The following CYP4F2 variants were observed in gnomAD, a reference collection of about 807,000 sequenced individuals.
CYP4F2 encodes the protein cytochrome P450 family 4 subfamily F member 2.
A neutral mutation model predicts 58.9 loss-of-function variants in CYP4F2; 58 were observed. The ratio of observed to expected loss-of-function variants is 0.98; its 90% CI spans 0.80 to 1.23. The LOEUF (loss-of-function observed/expected upper bound fraction) is 1.23. CYP4F2 is among the 50% of genes most tolerant of loss of function. The pLI, the probability that CYP4F2 is intolerant of heterozygous loss-of-function variation, is 0.00. For synonymous variants in CYP4F2, 287 were observed against 261.1 expected (o/e 1.10, Z -0.95); for missense variants, 616 against 685.6 (o/e 0.90, Z 1.13).
At chr19:15,891,428 T>C (rs1170067747) in intron 5 of CYP4F2, among the ~76,000 whole-genome samples, 2 of 152,094 alleles carry the variant, frequency 1.3e-5, no homozygotes, top group Non-Finnish European at 2.9e-5. Flanking sequence ...GAAGAATTTA[T>C]GAAACAGTAA....
chr19:15,889,594 G>C lies in CYP4F2; in HGVS notation c.747C>G (p.Leu249=). 1.2e-6 allele frequency: 2 copies of C among 1,614,214 alleles called. No individual in the cohort carries two copies. The highest frequency in any genetic ancestry group is 1.7e-6 in the Non-Finnish European group (2 of 1,180,042). The change falls in exon 7 of 13, where the codon CTC becomes CTG. Residue 249 remains leucine (L), a synonymous_variant. Transcript: ENST00000221700. ...ILLHIDFLYY[L]TPDGQRFRRA... Reference sequence around the variant, plus strand: ...TGCGGAAACGCTGCCCATCAGGGGTGAGATAATACAGGAAGTCAATATGCA... The same window carrying C: ...TGCGGAAACGCTGCCCATCAGGGGTCAGATAATACAGGAAGTCAATATGCA...
At chr19:15,894,490 A>G (rs736089) in intron 3 of CYP4F2, among the ~76,000 whole-genome samples, 7,952 of 152,262 alleles carry the variant, frequency 0.052, 664 homozygotes, top group African/African-American at 0.18. Context: ...GAAAAGCGAC[A>G]TGGAGAAAGC....
intron 11 of CYP4F2, 69 bp downstream of exon 11, chr19:15,879,535 C>A: frequency 6.2e-7 from 1 of 1,609,826 alleles, no homozygotes; most frequent in Non-Finnish European, 8.5e-7. Flanking sequence ...TTGGATACTC[C>A]TGATCAAAAC....
chr19:15,879,753 G>A lies in CYP4F2; in HGVS notation c.1249+11C>T. Reference sequence around the variant, plus strand: ...TACCCAGGAGACTCCTCCCCGTGAGGCTGTGAGCACCTTTGGGGATGACCC... The same window carrying A: ...TACCCAGGAGACTCCTCCCCGTGAGACTGTGAGCACCTTTGGGGATGACCC... On this transcript the variant is annotated intron_variant, in intron 10 of 12. Coordinates refer to ENST00000221700, the MANE Select transcript of CYP4F2 (RefSeq NM_001082.5). 6 of 1,613,976 alleles carry A rather than the reference G, an allele frequency of 3.7e-6. No homozygotes were observed. The highest frequency in any genetic ancestry group is 5.1e-6 in the Non-Finnish European group (6 of 1,179,936).
At position 15,878,819 on chromosome 19, in the gene CYP4F2, G is replaced by T. The variant is rs765903428; in HGVS notation, c.1515C>A (p.Val505=). 1 of 1,613,950 alleles carries T rather than the reference G, an allele frequency of 6.2e-7. No homozygotes were observed. The change falls in exon 13 of 13, where the codon GTC becomes GTA. Residue 505 remains valine, a synonymous_variant. Transcript: ENST00000221700. The part of the protein sequence containing the change: ...HTEPRRKPEL[V]LRAEGGLWLR... ...GCCAAAGTCCGCCCTCTGCGCGCAG[G>T]ACCAGCTCCGGCTTCCTGCGGGGCT...
rs2089332192 is a variant in CYP4F2, at chr19:15,879,787, G to A, written c.1226C>T (p.Pro409Leu). The change falls in exon 10 of 13, where the codon CCA becomes CTA. Residue 409 changes from proline to leucine, a missense_variant. Transcript: ENST00000221700. ...ACCTTTGGGGATGACCCGGCCGTCT[G>A]GGAGCACAATGTCCTGGGTGACATG... Reference protein sequence around the residue: ...SRHVTQDIVLPDGRVIPKGII... With the variant: ...SRHVTQDIVLLDGRVIPKGII... 6.2e-7 allele frequency: 1 copy of A among 1,614,030 alleles called. No homozygotes were observed. Among genetic ancestry groups the A allele is most frequent in the African/African-American group, 1.3e-5 (1 of 74,908 alleles).
chr19:15,882,667 A>G (rs951095546), intron 9 of CYP4F2, among the ~76,000 whole-genome samples: 2 of 151,464 alleles, frequency 1.3e-5, no homozygotes, highest in African/African-American at 4.9e-5. Flanking sequence ...GTATACATAC[A>G]TCATAACATC....
At chr19:15,879,103 C>T (rs1458762157) in intron 12 of CYP4F2, among the ~76,000 whole-genome samples, 167 bp from the exon 13 acceptor site, 1 of 152,096 alleles carries the variant, frequency 6.6e-6, no homozygotes, top group African/African-American at 2.4e-5. Context: ...TCCTGCAAGC[C>T]TAGCCGAGCT....
rs909071958 is a variant in CYP4F2, at chr19:15,886,474, A to G, written c.919-166T>C. The G allele has an allele frequency of 1.6e-5, 13 of 815,972 alleles. No homozygotes were observed. The African/African-American group carries it at 2.2e-4, about 14-fold the overall frequency. The allele number at this position is 815,972 out of a possible 1,614,324, so 50.5% of individuals were successfully genotyped here. On this transcript the variant is annotated intron_variant, in intron 7 of 12. Coordinates refer to ENST00000221700, the MANE Select transcript of CYP4F2 (RefSeq NM_001082.5). Reference sequence around the variant, plus strand: ...GACCCCTCTTGGTCACCATGGCCAGAGCCCTCACCTCATGGCCTTCCTCTC... The same window carrying G: ...GACCCCTCTTGGTCACCATGGCCAGGGCCCTCACCTCATGGCCTTCCTCTC...
rs576122987 is a variant in CYP4F2 at position 15,884,630 on chromosome 19, ATTGT to A, written c.1115+1290_1115+1293del. ...GCATCTATTTATGCAGCAATAAAAA[ATTGT>A]TTGTTAAAAATGCAGAAAAATTATT... On this transcript the variant is annotated intron_variant, in intron 9 of 12. Transcript: ENST00000221700. Among the ~76,000 whole-genome samples, 63 of 152,310 alleles carry A rather than the reference ATTGT, an allele frequency of 4.1e-4. No homozygotes were observed. In the South Asian group the frequency reaches 4.8e-3, roughly 12 times the overall value.
Position 15,890,311 on chromosome 19 carries a change from C to T in CYP4F2, c.647+1G>A, listed in dbSNP as rs747508980. The T allele has an allele frequency of 4.3e-6, 7 of 1,614,082 alleles. 1 individual carries two copies. Among genetic ancestry groups the T allele is most frequent in the Middle Eastern group, 1.6e-4 (1 of 6,062 alleles). On this transcript the variant is annotated splice_donor_variant, in intron 6 of 12. Transcript: ENST00000221700. LOFTEE classifies it high-confidence loss of function. ...ATCCCAGATCCTGGGCAAGAACTTACTCCTGACAATGGCTGTCAAAGCTGA... is the reference window on the plus strand; with the variant it reads ...ATCCCAGATCCTGGGCAAGAACTTATTCCTGACAATGGCTGTCAAAGCTGA...
At position 15,886,001 on chromosome 19, in the gene CYP4F2, C is replaced by G; in HGVS notation, c.1038G>C (p.Lys346Asn). 6.2e-7 allele frequency: 1 copy of G among 1,614,132 alleles called. No homozygotes were observed. Among genetic ancestry groups the G allele is most frequent in the South Asian group, 1.1e-5 (1 of 91,082 alleles). ...GGCAGCGCTCCTGGTATTCTGGGTG[C>G]TTTGCAAGGTGGTACAGGACCCAGG... The part of the protein sequence containing the change: ...GLSWVLYHLA[K>N]HPEYQERCRQ... Residue 346 changes from lysine (K) to asparagine (N), a missense_variant, in exon 9 of 13, where the codon AAG (lysine) becomes AAC (asparagine). Physicochemically the swap from Lys to Asn is moderately conservative, Grantham distance 94. Transcript: ENST00000221700.
chr19:15,879,509 TTTGAGGGAGGTGATGTTG>T, intron 11 of CYP4F2, 77 bp downstream of exon 11: 1 of 1,607,944 alleles, frequency 6.2e-7, no homozygotes, highest in Non-Finnish European at 8.5e-7. Context: ...TGTGTGTGTC[TTTGAGGGAGGTGATGTTG>T]GATACTCCTG....
Position 15,890,353 on chromosome 19 carries a change from A to C in CYP4F2, c.606T>G (p.Ser202Arg), listed in dbSNP as rs768232683. ...FEHISLMTLD[S>R]LQKCVFSFDS... ...CAAAGCTGAAGACACATTTCTGTAGACTGTCCAAGGTCATGAGGCTGATGT... is the reference window on the plus strand; with the variant it reads ...CAAAGCTGAAGACACATTTCTGTAGCCTGTCCAAGGTCATGAGGCTGATGT... The change falls in exon 6 of 13, where the codon AGT (serine) becomes AGG (arginine). Residue 202 changes from serine to arginine, a missense_variant. By Grantham distance (110) the Ser-to-Arg change is moderately radical (BLOSUM62 -1). Transcript: ENST00000221700. The C allele has an allele frequency of 6.2e-7, 1 of 1,614,148 alleles. No individual in the cohort carries two copies. The highest frequency in any genetic ancestry group is 1.7e-5 in the Admixed American group (1 of 60,020).
chr19:15,879,868 G>C lies in CYP4F2; in HGVS notation c.1145C>G (p.Thr382Ser). Residue 382 changes from threonine to serine, a missense_variant, in exon 10 of 13, where the codon ACC becomes AGC. By Grantham distance (58) the Thr-to-Ser change is moderately conservative. Coordinates refer to ENST00000221700, the MANE Select transcript of CYP4F2 (RefSeq NM_001082.5). ...CCGCAGGCTCTCCTTCATGCACATG[G>C]TCAGGAAGGGCAAATGGGCCAGGTC... is the stretch of plus-strand genomic sequence containing the variant. ...WDDLAHLPFL[T>S]MCMKESLRLH... 6.2e-7 allele frequency: 1 copy of C among 1,614,190 alleles called. No individual in the cohort carries two copies. The highest frequency in any genetic ancestry group is 8.5e-7 in the Non-Finnish European group (1 of 1,180,034).
chr19:15,889,285 T>C (rs1210683518), intron 7 of CYP4F2, 138 bp downstream of exon 7: 15 of 1,521,412 alleles, frequency 9.9e-6, no homozygotes, highest in Non-Finnish European at 1.3e-5. Flanking sequence ...CTAAAACCTA[T>C]CTCTGACCTG....
chr19:15,897,358 C>T, intron 2 of CYP4F2, 56 bp downstream of exon 2: 1 of 1,129,474 alleles, frequency 8.9e-7, no homozygotes, highest in East Asian at 3.4e-5. Context: ...AAGCCTCGTA[C>T]CCCTCAGGAA....
chr19:15,885,863 C>T (rs977612919), intron 9 of CYP4F2, 61 bp downstream of exon 9: 11 of 1,572,116 alleles, frequency 7.0e-6, no homozygotes, highest in African/African-American at 4.1e-5. Context: ...CTCCCCTCCC[C>T]ACCTGGGGAG....
At position 15,886,282 on chromosome 19, in the gene CYP4F2, A is replaced by G. The variant is rs148134815; in HGVS notation, c.945T>C (p.Asp315=). 484 of 1,613,878 alleles carry G rather than the reference A, an allele frequency of 3.0e-4. 1 individual carries two copies. Among genetic ancestry groups the G allele is most frequent in the Non-Finnish European group, 3.8e-4 (445 of 1,179,996 alleles). ...TGTCAGCTTCTGCTCTTATGTCCTC[A>G]TCAGATAACTTCTTCCCGTCTTCAT... ...SKDEDGKKLS[D]EDIRAEADTF... The change falls in exon 8 of 13, where the codon GAT becomes GAC. Residue 315 remains aspartate (D), a synonymous_variant. Transcript: ENST00000221700.
Sources: allele counts gnomAD v4.1 joint callset (sites outside exome capture counted in the v4.1 genomes callset), GRCh38; gene constraint gnomAD v4.1.1; transcripts MANE v1.5; gene names NCBI Gene and HGNC (gene_info 2026-07-23, HGNC 2026-07-21).